FGF12: variants seen among roughly 807,000 people sequenced by gnomAD.
FGF12 encodes fibroblast growth factor 12.
FGF12 carries 14 observed loss-of-function variants against 23.6 expected under a neutral mutation model. That is an observed-to-expected ratio of 0.59 (90% CI 0.39 to 0.93). The LOEUF (loss-of-function observed/expected upper bound fraction) is 0.93, where lower values mean the gene tolerates loss of function less well. Ranked by LOEUF, FGF12 falls within the 40% of genes least tolerant of loss-of-function variation. The probability of loss-of-function intolerance (pLI) is 0.00; values close to 1 mark genes in which losing one functional copy is unlikely to be tolerated. For missense variants in FGF12, 175 were observed against 217.8 expected (o/e 0.80, Z 1.24); for synonymous variants, 62 against 77.3 (o/e 0.80, Z 1.04).
intron 4 of FGF12, among the ~76,000 whole-genome samples, chr3:192,181,343 A>G (rs946997095): frequency 6.6e-6 from 1 of 150,458 alleles, no homozygotes; most frequent in African/African-American, 2.5e-5. Flanking sequence ...AGTCAAGACA[A>G]GACCTACACG....
chr3:192,212,785 A>T (rs1718000054), intron 4 of FGF12, among the ~76,000 whole-genome samples: 1 of 97,422 alleles, frequency 1.0e-5, no homozygotes, highest in Non-Finnish European at 1.9e-5. Flanking sequence ...ATTCACAAAA[A>T]TGGGGGGGGG....
intron 2 of FGF12, among the ~76,000 whole-genome samples, chr3:192,721,278 C>G (rs1043925761): frequency 2.0e-5 from 3 of 152,130 alleles, no homozygotes; most frequent in African/African-American, 7.2e-5. Flanking sequence ...ACTTTATTAG[C>G]ATGAGTTTTA....
At chr3:192,227,292 A>G (rs529915913) in intron 4 of FGF12, among the ~76,000 whole-genome samples, 6 of 152,308 alleles carry the variant, frequency 3.9e-5, no homozygotes, top group African/African-American at 1.4e-4. Flanking sequence ...AAACCCAGGA[A>G]GCACAGTTCT....
intron 4 of FGF12, among the ~76,000 whole-genome samples, chr3:192,250,053 T>G (rs1711903080): frequency 6.6e-6 from 1 of 152,234 alleles, no homozygotes. Flanking sequence ...TATTATCGAT[T>G]CATTTATACA....
chr3:192,369,038 T>TA (rs1022209225), intron 2 of FGF12, among the ~76,000 whole-genome samples: 1 of 152,124 alleles, frequency 6.6e-6, no homozygotes, highest in Admixed American at 6.6e-5. Flanking sequence ...GTGCATAGGT[T>TA]AGGAGAGCTG....
intron 4 of FGF12, among the ~76,000 whole-genome samples, chr3:192,320,172 G>T (rs1716459622): frequency 6.6e-6 from 1 of 152,056 alleles, no homozygotes; most frequent in Non-Finnish European, 1.5e-5. Context: ...CATGCAAATG[G>T]AAACCAGAAA....
chr3:192,220,030 T>C (rs1325008691), intron 4 of FGF12, among the ~76,000 whole-genome samples: 1 of 152,184 alleles, frequency 6.6e-6, no homozygotes, highest in Non-Finnish European at 1.5e-5. Flanking sequence ...ACAATCATTT[T>C]TTTTTCCTTA....
Position 192,690,357 on chromosome 3 carries a change from G to T in FGF12, c.13+36824C>A, listed in dbSNP as rs1386511129. 2.0e-5 allele frequency among the ~76,000 whole-genome samples: 3 copies of T among 151,888 alleles called. No homozygotes were observed. The East Asian group carries it at 5.8e-4, about 29-fold the overall frequency. Reference sequence around the variant, plus strand: ...GAAATAACTACAGCTACATTAACTTGTTAATGGTGATATACAATATAAAAA... The same window carrying T: ...GAAATAACTACAGCTACATTAACTTTTTAATGGTGATATACAATATAAAAA... On this transcript the variant is annotated intron_variant, in intron 2 of 5. Coordinates refer to ENST00000445105, the MANE Select transcript of FGF12 (RefSeq NM_004113.6).
At chr3:192,315,647 A>G (rs1012242138) in intron 4 of FGF12, among the ~76,000 whole-genome samples, 1 of 152,192 alleles carries the variant, frequency 6.6e-6, no homozygotes, top group Admixed American at 6.5e-5. Flanking sequence ...AAACCCAATA[A>G]ACATTCAAAT....
At position 192,185,165 on chromosome 3, in the gene FGF12, G is replaced by A. The variant is rs368103504; in HGVS notation, c.229-14509C>T. Among the ~76,000 whole-genome samples, 24 of 152,076 alleles carry A rather than the reference G, an allele frequency of 1.6e-4. No individual in the cohort carries two copies. In the South Asian group the frequency reaches 4.0e-3, roughly 25 times the overall value. On this transcript the variant is annotated intron_variant, in intron 4 of 5. Transcript: ENST00000445105. The stretch of plus-strand genomic sequence containing the variant: ...ATTATCTCTTTCTCTTCTGACTCCC[G>A]TCATAGCTATTTATCTGTGGCTGTC...
At chr3:192,720,550 A>C (rs924150985) in intron 2 of FGF12, among the ~76,000 whole-genome samples, 5 of 152,234 alleles carry the variant, frequency 3.3e-5, no homozygotes, top group Non-Finnish European at 5.9e-5. Context: ...GATGCTAATA[A>C]GGAGATGAGG....
At chr3:192,181,606 G>A (rs1277240262) in intron 4 of FGF12, among the ~76,000 whole-genome samples, 1 of 149,462 alleles carries the variant, frequency 6.7e-6, no homozygotes, top group African/African-American at 2.5e-5. Context: ...TCGCCTAGAT[G>A]TTAAAATTAA....
In FGF12 at chr3:192,568,197, T is replaced by G. The variant is rs1712433204; in HGVS notation, c.13+158984A>C. On this transcript the variant is annotated intron_variant, in intron 2 of 5. Coordinates refer to ENST00000445105, the MANE Select transcript of FGF12 (RefSeq NM_004113.6). ...TAGGGTCCACCTAGATAATTTGGAT[T>G]GATTTCATCTGCAGAACTACATCTG... 3.3e-5 allele frequency among the ~76,000 whole-genome samples: 5 copies of G among 152,160 alleles called. 1 individual carries two copies. In the South Asian group the frequency reaches 1.0e-3, roughly 32 times the overall value.
At chr3:192,385,539 A>G (rs1227282596) in intron 2 of FGF12, among the ~76,000 whole-genome samples, 1 of 152,140 alleles carries the variant, frequency 6.6e-6, no homozygotes, top group Non-Finnish European at 1.5e-5. Flanking sequence ...CACAAAACAA[A>G]GCAGGACTGA....
At chr3:192,155,158 C>A (rs963929727) in intron 5 of FGF12, among the ~76,000 whole-genome samples, 4 of 151,932 alleles carry the variant, frequency 2.6e-5, no homozygotes, top group Non-Finnish European at 4.4e-5. Flanking sequence ...GGCAATGCCT[C>A]GCCCTGCTTC....
intron 2 of FGF12, among the ~76,000 whole-genome samples, chr3:192,615,960 G>C (rs977430944): frequency 7.0e-6 from 1 of 142,274 alleles, no homozygotes; most frequent in Non-Finnish European, 1.6e-5. Flanking sequence ...TGGGATTATG[G>C]ATGATTTTAA....
chr3:192,492,503 G>T (rs1404214091), intron 2 of FGF12, among the ~76,000 whole-genome samples: 1 of 152,006 alleles, frequency 6.6e-6, no homozygotes, highest in Non-Finnish European at 1.5e-5. Context: ...TTTTGAAACA[G>T]TCTCATTTCC....
At chr3:192,173,704 T>C (rs184074762) in intron 4 of FGF12, among the ~76,000 whole-genome samples, 2 of 152,164 alleles carry the variant, frequency 1.3e-5, no homozygotes, top group Non-Finnish European at 2.9e-5. Context: ...TAAGGAACTC[T>C]GGAAAGTTCA....
intron 4 of FGF12, among the ~76,000 whole-genome samples, chr3:192,251,204 T>A (rs917278718): frequency 1.1e-4 from 17 of 152,164 alleles, no homozygotes; most frequent in Non-Finnish European, 2.1e-4. Flanking sequence ...ATATAACATG[T>A]TTCTCCTAGA....
Sources: allele counts gnomAD v4.1 joint callset (sites outside exome capture counted in the v4.1 genomes callset), GRCh38; gene constraint gnomAD v4.1.1; transcripts MANE v1.5; gene names NCBI Gene and HGNC (gene_info 2026-07-23, HGNC 2026-07-21).